The following C1QTNF3 variants were observed in gnomAD, a reference collection of about 807,000 sequenced individuals.
C1QTNF3 encodes complement C1q tumor necrosis factor-related protein 3.
In C1QTNF3, 26 loss-of-function variants were observed where a neutral mutation model predicts 32.6. That is an observed-to-expected ratio of 0.80 (90% CI 0.58 to 1.11). The LOEUF (loss-of-function observed/expected upper bound fraction) is 1.11, where lower values mean the gene tolerates loss of function less well. C1QTNF3 is among the 50% of genes least tolerant of loss of function. The probability of loss-of-function intolerance (pLI) is 0.00; values close to 1 mark genes in which losing one functional copy is unlikely to be tolerated. For synonymous variants in C1QTNF3, 155 were observed against 146.0 expected, an observed-to-expected ratio of 1.06 and a Z score of -0.44; for missense variants, 362 against 398.2, an observed-to-expected ratio of 0.91 and a Z score of 0.77.
chr5:34,156,921 T>C, the C1QTNF3 span, among the ~76,000 whole-genome samples: 8 of 152,354 alleles, frequency 5.3e-5, no homozygotes, highest in African/African-American at 1.9e-4. Context: ...CTAAATTACT[T>C]GTTCCTAGTC....
chr5:34,197,337 G>A, the C1QTNF3 span, among the ~76,000 whole-genome samples: 1 of 152,274 alleles, frequency 6.6e-6, no homozygotes, highest in Non-Finnish European at 1.5e-5. Context: ...TTCAGAGATG[G>A]CATGGTAAAG....
chr5:34,161,462 A>G, the C1QTNF3 span, among the ~76,000 whole-genome samples: 3 of 152,154 alleles, frequency 2.0e-5, no homozygotes, highest in Non-Finnish European at 4.4e-5. Context: ...GTATATATAA[A>G]ATGTTACATT....
chr5:34,147,685 G>A, the C1QTNF3 span, among the ~76,000 whole-genome samples: 1 of 151,940 alleles, frequency 6.6e-6, no homozygotes, highest in Non-Finnish European at 1.5e-5. Flanking sequence ...AAAAAAGAGT[G>A]GTGTGAATTG....
At chr5:34,073,739 G>A in the C1QTNF3 span, among the ~76,000 whole-genome samples, 5 of 151,986 alleles carry the variant, frequency 3.3e-5, no homozygotes, top group Non-Finnish European at 7.4e-5. Flanking sequence ...CGACATGCAT[G>A]TTTCTAAGCA....
chr5:34,195,456 G>T, the C1QTNF3 span, among the ~76,000 whole-genome samples: 3 of 149,098 alleles, frequency 2.0e-5, no homozygotes, highest in African/African-American at 7.3e-5. Flanking sequence ...GCTGTCGTTG[G>T]AGAGAAAGAA....
At chr5:34,174,238 T>C in the C1QTNF3 span, among the ~76,000 whole-genome samples, 1 of 152,134 alleles carries the variant, frequency 6.6e-6, no homozygotes, top group African/African-American at 2.4e-5. Context: ...TTCTATTTTT[T>C]TGTAGAGACA....
At chr5:34,170,243 G>A in the C1QTNF3 span, among the ~76,000 whole-genome samples, 1 of 152,188 alleles carries the variant, frequency 6.6e-6, no homozygotes, top group Non-Finnish European at 1.5e-5. Context: ...CAAACTCACA[G>A]AGGCAGAGAA....
the C1QTNF3 span, among the ~76,000 whole-genome samples, chr5:34,100,922 T>C: frequency 1.3e-5 from 2 of 152,008 alleles, no homozygotes; most frequent in African/African-American, 2.4e-5. Flanking sequence ...ATATTTATTA[T>C]TTCCCAACAC....
the C1QTNF3 span, among the ~76,000 whole-genome samples, chr5:34,173,159 T>C: frequency 6.6e-6 from 1 of 152,142 alleles, no homozygotes; most frequent in African/African-American, 2.4e-5. Flanking sequence ...TAAGAAATAC[T>C]ATACACTCTT....
the C1QTNF3 span, among the ~76,000 whole-genome samples, chr5:34,075,535 T>G: frequency 9.2e-5 from 14 of 151,460 alleles, 1 homozygote; most frequent in African/African-American, 3.4e-4. Flanking sequence ...TTTGATAGCA[T>G]AAGAGGAGGA....
chr5:34,231,654 CAT>C, the C1QTNF3 span, among the ~76,000 whole-genome samples: 2 of 152,220 alleles, frequency 1.3e-5, no homozygotes, highest in Non-Finnish European at 2.9e-5. Flanking sequence ...GTGGCTTCCA[CAT>C]GAGGCTGGGC....
intron 4 of C1QTNF3, among the ~76,000 whole-genome samples, chr5:34,028,460 T>G (rs1579601754): frequency 6.6e-6 from 1 of 152,202 alleles, no homozygotes; most frequent in East Asian, 1.9e-4. Context: ...TAGCTCAGTC[T>G]AAATCAGAGT....
chr5:34,195,329 T>TA, the C1QTNF3 span, among the ~76,000 whole-genome samples: 4 of 133,544 alleles, frequency 3.0e-5, no homozygotes, highest in African/African-American at 9.3e-5. Context: ...TAATCTGAAA[T>TA]AAAAAATATA....
the C1QTNF3 span, among the ~76,000 whole-genome samples, chr5:34,139,387 AC>A: frequency 6.6e-6 from 1 of 152,118 alleles, no homozygotes; most frequent in African/African-American, 2.4e-5. Flanking sequence ...TTCATAAAAA[AC>A]ATAGCAAAAT....
the C1QTNF3 span, chr5:34,175,764 A>T: frequency 4.9e-4 from 323 of 655,948 alleles, no homozygotes; most frequent in African/African-American, 5.6e-3. Flanking sequence ...AGAATGGGCA[A>T]GGCAACCTGA....
the C1QTNF3 span, among the ~76,000 whole-genome samples, chr5:34,128,492 C>T: frequency 6.6e-5 from 10 of 152,308 alleles, no homozygotes; most frequent in Middle Eastern, 3.4e-3. Context: ...GAAAAGCTGT[C>T]GGCACTCAAT....
intron 4 of C1QTNF3, chr5:34,024,491 A>G (rs1217383672): frequency 6.3e-6 from 1 of 158,002 alleles, no homozygotes; most frequent in Non-Finnish European, 1.4e-5. Flanking sequence ...GAAATCCTGG[A>G]GCACAGAACA....
At chr5:34,050,648 T>C in the C1QTNF3 span, among the ~76,000 whole-genome samples, 4 of 152,164 alleles carry the variant, frequency 2.6e-5, no homozygotes, top group African/African-American at 9.7e-5. Flanking sequence ...TTATCATACC[T>C]CACTTGTCCT....
chr5:34,059,782 C>T, the C1QTNF3 span, among the ~76,000 whole-genome samples: 2 of 152,092 alleles, frequency 1.3e-5, no homozygotes, highest in East Asian at 3.9e-4. Flanking sequence ...GTTAGGGCTT[C>T]AACATATAAA....
Sources: gnomAD v4.1 joint callset for allele counts (sites outside exome capture counted in the v4.1 genomes callset) on GRCh38, gnomAD v4.1.1 for gene constraint, MANE v1.5 for transcripts, NCBI Gene and HGNC (gene_info 2026-07-23, HGNC 2026-07-21) for gene names.